SHANK2: variants seen among roughly 807,000 people sequenced by gnomAD.
SHANK2 encodes SH3 and multiple ankyrin repeat domains protein 2.
SHANK2 carries 43 observed loss-of-function variants against 133.7 expected under a neutral mutation model. The ratio of observed to expected loss-of-function variants is 0.32; its 90% CI spans 0.25 to 0.41. The LOEUF (loss-of-function observed/expected upper bound fraction) is 0.41. SHANK2 is among the 10% of genes least tolerant of loss of function. The pLI is 1.00. For missense variants in SHANK2, 1,994 were observed against 2,235.8 expected, an observed-to-expected ratio of 0.89 and a Z score of 2.18; for synonymous variants, 1,017 against 952.8, an observed-to-expected ratio of 1.07 and a Z score of -1.24.
At chr11:71,057,823 A>T (rs1195757388) in intron 9 of SHANK2, among the ~76,000 whole-genome samples, 1 of 150,862 alleles carries the variant, frequency 6.6e-6, no homozygotes, top group Non-Finnish European at 1.5e-5. Flanking sequence ...TGCTGGGATT[A>T]TAGGCGTGAA....
At chr11:71,167,541 G>A (rs1292911858) in intron 2 of SHANK2, among the ~76,000 whole-genome samples, 2 of 125,588 alleles carry the variant, frequency 1.6e-5, no homozygotes, top group African/African-American at 3.3e-5. Context: ...CGGGCGGGGG[G>A]CTGACCCCCC....
chr11:71,073,786 T>C (rs1951181875), intron 9 of SHANK2, among the ~76,000 whole-genome samples: 1 of 152,134 alleles, frequency 6.6e-6, no homozygotes, highest in Admixed American at 6.5e-5. Flanking sequence ...TTTTTTCATG[T>C]GATGGTGCCA....
At chr11:70,652,634 ACT>A (rs1555010413) in intron 17 of SHANK2, among the ~76,000 whole-genome samples, 1 of 151,814 alleles carries the variant, frequency 6.6e-6, no homozygotes. Flanking sequence ...ACAAAGCAAG[ACT>A]CTGGCTCTAT....
At chr11:70,661,751 GGGA>G (rs1555013444) in intron 15 of SHANK2, 73 bp from the exon 16 acceptor site, 1 of 1,613,956 alleles carries the variant, frequency 6.2e-7, no homozygotes, top group African/African-American at 1.3e-5. Context: ...TCCTCCGCCG[GGGA>G]CGTTCATCAT....
At position 71,198,878 on chromosome 11, in the gene SHANK2, G is replaced by C. The variant is rs566777995; in HGVS notation, c.-13+25819C>G. On this transcript the variant is annotated intron_variant, in intron 2 of 25. Transcript: ENST00000601538. ...CTCATGGAGGCCTGAGCATCCTGTG[G>C]CAGTCTCCTTAGACTGCAGCTTTGA... 7.2e-5 allele frequency among the ~76,000 whole-genome samples: 11 copies of C among 152,320 alleles called. No homozygotes were observed. The South Asian group carries it at 1.7e-3, about 23-fold the overall frequency.
At chr11:70,580,587 G>T (rs781905513) in intron 17 of SHANK2, among the ~76,000 whole-genome samples, 1 of 152,214 alleles carries the variant, frequency 6.6e-6, no homozygotes, top group Non-Finnish European at 1.5e-5. Flanking sequence ...GGCACCCACG[G>T]GGGCTCAAGA....
intron 14 of SHANK2, among the ~76,000 whole-genome samples, chr11:70,780,185 G>A (rs1220635068): frequency 6.6e-6 from 1 of 152,186 alleles, no homozygotes; most frequent in Non-Finnish European, 1.5e-5. Context: ...TCTCCATTGT[G>A]TACACTAATA....
intron 11 of SHANK2, chr11:70,865,200 G>A (rs1555068764): frequency 6.6e-6 from 1 of 152,166 alleles, no homozygotes; most frequent in African/African-American, 2.4e-5. Context: ...TGGGGTTCAA[G>A]GGGTCCTTAT....
intron 17 of SHANK2, among the ~76,000 whole-genome samples, chr11:70,596,166 C>A (rs1429096642): frequency 6.6e-5 from 10 of 152,340 alleles, no homozygotes; most frequent in Admixed American, 3.3e-4. Flanking sequence ...AGCTGTCCTG[C>A]GTGTGGTGAT....
At chr11:71,087,876 G>A (rs901403868) in intron 8 of SHANK2, among the ~76,000 whole-genome samples, 3 of 152,156 alleles carry the variant, frequency 2.0e-5, no homozygotes, top group African/African-American at 7.2e-5. Flanking sequence ...TGATCCACCT[G>A]CCTCAGCCTC....
chr11:70,890,450 C>T (rs868937095), intron 11 of SHANK2, among the ~76,000 whole-genome samples: 2 of 147,766 alleles, frequency 1.4e-5, no homozygotes, highest in Admixed American at 6.8e-5. Context: ...ATCAAACTGG[C>T]GAACATGGTG....
At chr11:71,234,536 C>A (rs1458401358) in intron 1 of SHANK2, among the ~76,000 whole-genome samples, 2 of 152,170 alleles carry the variant, frequency 1.3e-5, no homozygotes, top group Non-Finnish European at 2.9e-5. Flanking sequence ...CCGCCCCAGA[C>A]TGGTCCTCCA....
At chr11:70,731,740 C>G (rs1307106624) in intron 14 of SHANK2, among the ~76,000 whole-genome samples, 7 of 152,198 alleles carry the variant, frequency 4.6e-5, no homozygotes, top group Non-Finnish European at 8.8e-5. Flanking sequence ...TGTCTGGACA[C>G]CTGTTTTTAA....
At chr11:70,643,390 C>T (rs945562117) in intron 17 of SHANK2, among the ~76,000 whole-genome samples, 3 of 151,974 alleles carry the variant, frequency 2.0e-5, no homozygotes, top group East Asian at 1.9e-4. Flanking sequence ...AGTGAAAACC[C>T]GTCTCTACTA....
At position 70,804,475 on chromosome 11, in the gene SHANK2, A is replaced by G. The variant is rs905730837; in HGVS notation, c.1663+2527T>C. On this transcript the variant is annotated intron_variant, in intron 13 of 25. Transcript: ENST00000601538. This position sits in a 1 kb window ranked among gnomAD's most constrained non-coding sequence, Gnocchi z 4.1. ...CGATCCTTTGAAGTGTGAGTTTTGG[A>G]ACCGAGCTCTGTCATTTCTGTTCTC... 1.3e-5 allele frequency among the ~76,000 whole-genome samples: 2 copies of G among 152,150 alleles called. No individual in the cohort carries two copies. The highest frequency in any genetic ancestry group is 4.1e-4 in the South Asian group (2 of 4,822).
chr11:70,663,158 G>A (rs1944607415), intron 15 of SHANK2, among the ~76,000 whole-genome samples: 1 of 152,182 alleles, frequency 6.6e-6, no homozygotes, highest in Non-Finnish European at 1.5e-5. Flanking sequence ...GTCGCACAGG[G>A]GCAGTCCCAG....
At position 70,807,965 on chromosome 11, in the gene SHANK2, T is replaced by C. The variant is rs1003618309; in HGVS notation, c.1494-794A>G. Among the ~76,000 whole-genome samples, 1 of 152,066 alleles carries C rather than the reference T, an allele frequency of 6.6e-6. No homozygotes were observed. Among genetic ancestry groups the C allele is most frequent in the Non-Finnish European group, 1.5e-5 (1 of 68,014 alleles). The stretch of plus-strand genomic sequence containing the variant: ...ATGCGAGGGCCCGAGAGCAGTCAGA[T>C]TCATGGACACAGAAAGTAGAATGGC... On this transcript the variant is annotated intron_variant, in intron 12 of 25. Coordinates refer to ENST00000601538, the MANE Select transcript of SHANK2 (RefSeq NM_012309.5). The surrounding 1 kb of genome is among the most constrained non-coding windows in gnomAD (Gnocchi z 4.8).
chr11:70,955,512 A>G (rs1166809779), intron 10 of SHANK2, among the ~76,000 whole-genome samples: 3 of 151,786 alleles, frequency 2.0e-5, no homozygotes, highest in Admixed American at 1.3e-4. Context: ...TATTTGTAAT[A>G]TGTGTCTATG....
At chr11:70,634,249 GACAGAC>G (rs1555003169) in intron 17 of SHANK2, 4 of 151,946 alleles carry the variant, frequency 2.6e-5, no homozygotes. Flanking sequence ...TGCTGTGAGA[GACAGAC>G]TGAAGGGGAA....
Sources: gnomAD v4.1 joint callset for allele counts (sites outside exome capture counted in the v4.1 genomes callset) on GRCh38, gnomAD v4.1.1 for gene constraint, Gnocchi (gnomAD v3.1) non-coding constraint, MANE v1.5 for transcripts, NCBI Gene and HGNC (gene_info 2026-07-23, HGNC 2026-07-21) for gene names.